The following TAF7L variants were observed in gnomAD, a reference collection of about 807,000 sequenced individuals.
The protein encoded by TAF7L is TATA-box binding protein associated factor 7 like.
A neutral mutation model predicts 30.2 loss-of-function variants in TAF7L; 6 were observed. The ratio of observed to expected loss-of-function variants is 0.20; its 90% CI spans 0.11 to 0.39. The LOEUF (loss-of-function observed/expected upper bound fraction) is 0.39. Among genes scored for constraint, TAF7L ranks in the 10% least tolerant of loss-of-function variants. TAF7L has a pLI of 1.00. For synonymous variants in TAF7L, 93 were observed against 94.5 expected (o/e 0.98, Z 0.09); for missense variants, 284 against 277.1 (o/e 1.03, Z -0.18).
upstream of TAF7L, chrX:101,292,755 C>T: frequency 8.4e-7 from 1 of 1,194,248 alleles, no homozygotes; most frequent in Non-Finnish European, 1.1e-6. Flanking sequence ...AAAGAAGGTC[C>T]TCGGCTGGGG....
chrX:101,282,203 A>G (rs1924438709), intron 5 of TAF7L, 124 bp downstream of exon 5: 3 of 944,867 alleles, frequency 3.2e-6, no homozygotes, highest in Non-Finnish European at 4.4e-6. Flanking sequence ...CTCCTCTTAA[A>G]GAGTATCTGA....
At chrX:101,286,949 G>T (rs1460889648) in intron 2 of TAF7L, among the ~76,000 whole-genome samples, 6 of 112,182 alleles carry the variant, frequency 5.3e-5, no homozygotes, top group African/African-American at 1.6e-4. Flanking sequence ...TTACCTAGTT[G>T]CAGTTTGCTT....
chrX:101,284,365 A>AT (rs1924511617), intron 3 of TAF7L, among the ~76,000 whole-genome samples: 1 of 111,363 alleles, frequency 9.0e-6, no homozygotes. Context: ...TTTTCATTTG[A>AT]TTTTTTTATT....
Position 101,282,362 on chromosome X carries a change from C to G in TAF7L, c.371G>C (p.Arg124Thr). Residue 124 changes from arginine (R) to threonine (T), a missense_variant, in exon 5 of 13, where the codon AGG becomes ACG. By Grantham distance (71) the Arg-to-Thr change is moderately conservative. Coordinates refer to ENST00000356784, the MANE Select transcript of TAF7L (RefSeq NM_001168474.2). ...TDPNIVRKKE[R>T]GREEKCVWKH... is the part of the protein sequence containing the mutation. ...CCAGACACATTTTTCTTCTCTCCCC[C>G]TTTCTTTTTTCCTGACTATATTAGG... is the stretch of plus-strand genomic sequence containing the variant. 8.3e-7 allele frequency: 1 copy of G among 1,211,416 alleles called. No individual in the cohort carries two copies. Among genetic ancestry groups the G allele is most frequent in the East Asian group, 3.0e-5 (1 of 33,824 alleles).
At chrX:101,275,310 C>T in intron 11 of TAF7L, 29 bp from the exon 12 acceptor site, 1 of 936,996 alleles carries the variant, frequency 1.1e-6, no homozygotes, top group Non-Finnish European at 1.4e-6. Flanking sequence ...AAATGATGAA[C>T]ACTGAGTCTC....
At chrX:101,273,262 C>T (rs1924032819) in intron 12 of TAF7L, among the ~76,000 whole-genome samples, 1 of 111,744 alleles carries the variant, frequency 8.9e-6, no homozygotes, top group South Asian at 3.7e-4. Context: ...TCTTCCAACC[C>T]ATTCTCCAGA....
intron 1 of TAF7L, among the ~76,000 whole-genome samples, chrX:101,290,697 T>C (rs1166111306): frequency 8.9e-6 from 1 of 111,759 alleles, no homozygotes; most frequent in Non-Finnish European, 1.9e-5. Context: ...TTGAACTGGG[T>C]TTTAATTATT....
chrX:101,274,785 T>G (rs773559055), intron 12 of TAF7L, among the ~76,000 whole-genome samples: 1 of 112,377 alleles, frequency 8.9e-6, no homozygotes, highest in South Asian at 3.7e-4. Flanking sequence ...TAGCTCACAT[T>G]TATTTCAACG....
intron 12 of TAF7L, among the ~76,000 whole-genome samples, chrX:101,270,299 A>G (rs982004128): frequency 9.0e-6 from 1 of 111,685 alleles, no homozygotes; most frequent in Non-Finnish European, 1.9e-5. Flanking sequence ...GGAACATTAT[A>G]AAACAATCCT....
chrX:101,281,642 C>A, intron 6 of TAF7L, 78 bp downstream of exon 6: 4 of 954,679 alleles, frequency 4.2e-6, no homozygotes, highest in Non-Finnish European at 5.9e-6. Flanking sequence ...TAATTCCCAA[C>A]TGACTTTTTC....
intron 5 of TAF7L, 97 bp from the exon 6 acceptor site, chrX:101,281,872 C>A: frequency 3.4e-4 from 211 of 622,829 alleles, no homozygotes; most frequent in Non-Finnish European, 4.5e-4. Context: ...ACCAAAGGGT[C>A]ATGACATCAC....
At position 101,269,135 on chromosome X, in the gene TAF7L, T is replaced by C; in HGVS notation, c.*58A>G. On this transcript the variant is annotated 3_prime_UTR_variant, in exon 13 of 13. Transcript: ENST00000356784. ...AGGGACAAAAACGTGCACAGTTTCA[T>C]CCAATCTGCAGTCTGGATGGTGAAT... is the stretch of plus-strand genomic sequence containing the variant. 9.2e-7 allele frequency: 1 copy of C among 1,090,642 alleles called. No individual in the cohort carries two copies. Among genetic ancestry groups the C allele is most frequent in the East Asian group, 3.0e-5 (1 of 33,094 alleles). 89.9% of individuals were successfully genotyped at this position (1,090,642 alleles called of 1,213,427 possible). A position where few individuals can be genotyped will look rare whatever the true frequency, so the allele number is the denominator to read the frequency against.
Position 101,281,707 on chromosome X carries a change from G to A in TAF7L, c.462+13C>T. 3 of 1,207,444 alleles carry A rather than the reference G, an allele frequency of 2.5e-6. No individual in the cohort carries two copies. The highest frequency in any genetic ancestry group is 3.4e-6 in the Non-Finnish European group (3 of 892,180). On this transcript the variant is annotated intron_variant, in intron 6 of 12. Coordinates refer to ENST00000356784, the MANE Select transcript of TAF7L (RefSeq NM_001168474.2). ...AATCGGCCCGGCAGACACACAAATAGCATGTAACTAACCTTTTTTTGTGTT... is the reference window on the plus strand; with the variant it reads ...AATCGGCCCGGCAGACACACAAATAACATGTAACTAACCTTTTTTTGTGTT...
chrX:101,270,359 T>TA (rs1197950184), intron 12 of TAF7L, among the ~76,000 whole-genome samples: 1 of 111,480 alleles, frequency 9.0e-6, no homozygotes, highest in Non-Finnish European at 1.9e-5. Context: ...CGCAGTAACT[T>TA]AGAGGCTCTT....
intron 11 of TAF7L, 82 bp from the exon 12 acceptor site, chrX:101,275,363 A>G: frequency 1.4e-6 from 1 of 740,108 alleles, no homozygotes; most frequent in Non-Finnish European, 1.9e-6. Flanking sequence ...AGTTTGGCAA[A>G]TAATTGTTTT....
upstream of TAF7L, among the ~76,000 whole-genome samples, chrX:101,292,218 G>A (rs1237616760): frequency 1.2e-5 from 1 of 82,849 alleles, no homozygotes; most frequent in Non-Finnish European, 2.2e-5. Flanking sequence ...CAGCCTGGGC[G>A]ACAGAGCGAG....
At chrX:101,275,959 A>T in intron 11 of TAF7L, 41 bp downstream of exon 11, 1 of 974,148 alleles carries the variant, frequency 1.0e-6, no homozygotes, top group Non-Finnish European at 1.4e-6. Context: ...AGATACTGAA[A>T]GTAAGATATC....
chrX:101,285,367 G>A (rs1243566828), intron 3 of TAF7L, among the ~76,000 whole-genome samples: 2 of 108,533 alleles, frequency 1.8e-5, no homozygotes, highest in South Asian at 4.1e-4. Context: ...GTGTGGTGGC[G>A]CATGCCTGTA....
intron 3 of TAF7L, among the ~76,000 whole-genome samples, chrX:101,284,497 T>G (rs747813289): frequency 1.2e-3 from 136 of 112,011 alleles, no homozygotes; most frequent in African/African-American, 4.3e-3. Flanking sequence ...CCCAAATAGC[T>G]AGGATTACAG....
Sources: allele counts gnomAD v4.1 joint callset (sites outside exome capture counted in the v4.1 genomes callset), GRCh38; gene constraint gnomAD v4.1.1; transcripts MANE v1.5; gene names NCBI Gene and HGNC (gene_info 2026-07-23, HGNC 2026-07-21).